PDZD7: variants seen among roughly 807,000 people sequenced by gnomAD.
PDZD7 encodes the protein PDZ domain-containing protein 7.
In PDZD7, 72 loss-of-function variants were observed where a neutral mutation model predicts 84.7. The ratio of observed to expected loss-of-function variants is 0.85; its 90% CI spans 0.70 to 1.03. The LOEUF is 1.03. Among genes scored for constraint, PDZD7 ranks in the 50% least tolerant of loss-of-function variants. PDZD7 has a pLI of 0.00. For synonymous variants in PDZD7, 594 were observed against 580.7 expected, an observed-to-expected ratio of 1.02 and a Z score of -0.33; for missense variants, 1,490 against 1,412.9, an observed-to-expected ratio of 1.05 and a Z score of -0.87.
chr10:101,021,729 A>G (rs1202659365), intron 6 of PDZD7, 69 bp downstream of exon 6: 1 of 1,606,418 alleles, frequency 6.2e-7, no homozygotes, highest in African/African-American at 1.3e-5. Context: ...GAGCATTATT[A>G]AGAACTAGGG....
Position 101,023,948 on chromosome 10 carries a change from A to G in PDZD7, c.347T>C (p.Val116Ala), listed in dbSNP as rs546440535. The change falls in exon 3 of 17, where the codon GTG becomes GCG. Residue 116 changes from valine to alanine, a missense_variant. By Grantham distance (64) the Val-to-Ala change is moderately conservative. Coordinates refer to ENST00000619208, the MANE Select transcript of PDZD7 (RefSeq NM_001195263.2). ...CTTACCTGCACTGCTGCCTTCCTCCACTTTGCTGACGAAGATGCCCAGGCC... is the reference window on the plus strand; with the variant it reads ...CTTACCTGCACTGCTGCCTTCCTCCGCTTTGCTGACGAAGATGCCCAGGCC... The part of the protein sequence containing the change: ...EHGLGIFVSK[V>A]EEGSSAERAG... The G allele has an allele frequency of 6.2e-7, 1 of 1,614,136 alleles. No homozygotes were observed. The highest frequency in any genetic ancestry group is 1.1e-5 in the South Asian group (1 of 91,080).
intron 6 of PDZD7, 97 bp from the exon 7 acceptor site, chr10:101,020,775 C>T: frequency 1.2e-6 from 1 of 866,776 alleles, no homozygotes; most frequent in Non-Finnish European, 1.9e-6. Flanking sequence ...AAACTTTCAA[C>T]TTCATTTCTG....
chr10:101,019,308 G>A (rs1852918037), intron 7 of PDZD7, 91 bp from the exon 8 acceptor site: 4 of 1,473,954 alleles, frequency 2.7e-6, no homozygotes, highest in Non-Finnish European at 3.6e-6. Context: ...GGTGGAGGAG[G>A]CAAGGTCAGG....
In PDZD7 at chr10:101,009,304, C is replaced by T; in HGVS notation, c.2664G>A (p.Val888=). The change falls in exon 16 of 17, where the codon GTG becomes GTA. Residue 888 remains valine (V), a synonymous_variant. Transcript: ENST00000619208. ...CCCCAGGGAAGATCTTCTCTATCTT[C>T]ACCATGGGCTGCACCTTGGACTCAA... ...GGIESKVQPM[V]KIEKIFPGGA... 1 of 1,536,062 alleles carries T rather than the reference C, an allele frequency of 6.5e-7. No individual in the cohort carries two copies. Among genetic ancestry groups the T allele is most frequent in the East Asian group, 2.4e-5 (1 of 40,922 alleles).
At chr10:101,015,283 G>A (rs979742251) in intron 11 of PDZD7, among the ~76,000 whole-genome samples, 2 of 152,280 alleles carry the variant, frequency 1.3e-5, no homozygotes, top group Middle Eastern at 3.4e-3. Flanking sequence ...GCACCTGTCC[G>A]CTCCTTCTCT....
At chr10:101,025,068 T>C (rs1331381609) in intron 2 of PDZD7, among the ~76,000 whole-genome samples, 1 of 152,196 alleles carries the variant, frequency 6.6e-6, no homozygotes, top group East Asian at 1.9e-4. Flanking sequence ...AGAGCTACCC[T>C]GTGGAAGGCA....
rs944897041 is a variant in PDZD7, at chr10:101,008,789, G to A, written c.2780C>T (p.Ala927Val). The part of the protein sequence containing the change: ...ENLEQVTHQR[A>V]VDTIRRAYRN... ...ATAAGCCCGACGGATGGTGTCTACT[G>A]CACGCTGGTGGGTCACCTGCTCTAG... The change falls in exon 17 of 17, where the codon GCA (alanine) becomes GTA (valine). Residue 927 changes from alanine to valine, a missense_variant. Transcript: ENST00000619208. The A allele has an allele frequency of 1.3e-6, 2 of 1,531,432 alleles. No homozygotes were observed. Among genetic ancestry groups the A allele is most frequent in the Admixed American group, 3.9e-5 (2 of 50,808 alleles). 94.9% of individuals were successfully genotyped at this position (1,531,432 alleles called of 1,614,324 possible). A position where few individuals can be genotyped will look rare whatever the true frequency, so the allele number is the denominator to read the frequency against.
At chr10:101,009,493 CTCAT>C in intron 15 of PDZD7, 143 bp from the exon 16 acceptor site, 1 of 692,802 alleles carries the variant, frequency 1.4e-6, no homozygotes, top group East Asian at 2.7e-5. Flanking sequence ...CAAATCTCAA[CTCAT>C]TCCAAAATCC....
rs1937694717 is a variant in PDZD7, at chr10:101,026,259, C to G, written c.227-2191G>C. On this transcript the variant is annotated intron_variant, in intron 2 of 16. Transcript: ENST00000619208. ...AAGCGATTCTCCTGCCTCAGCCTCC[C>G]TAGTAGCTGGGATTACTGGCATGTG... is the stretch of plus-strand genomic sequence containing the variant. Among the ~76,000 whole-genome samples, 3 of 152,146 alleles carry G rather than the reference C, an allele frequency of 2.0e-5. No homozygotes were observed. The South Asian group carries it at 6.2e-4, about 32-fold the overall frequency.
chr10:101,009,286 G>A lies in PDZD7; in HGVS notation c.2682C>T (p.Phe894=), dbSNP rs966135890. 1.4e-5 allele frequency: 21 copies of A among 1,535,988 alleles called. No individual in the cohort carries two copies. The highest frequency in any genetic ancestry group is 1.7e-5 in the Non-Finnish European group (20 of 1,146,834). ...VQPMVKIEKI[F]PGGAAFLSGA... is the part of the protein sequence containing the mutation. ...CACTGAGGAAAGCGGCCCCCCCAGG[G>A]AAGATCTTCTCTATCTTCACCATGG... The change falls in exon 16 of 17, where the codon TTC becomes TTT. Residue 894 remains phenylalanine, a synonymous_variant. Coordinates refer to ENST00000619208, the MANE Select transcript of PDZD7 (RefSeq NM_001195263.2).
intron 2 of PDZD7, among the ~76,000 whole-genome samples, chr10:101,027,866 G>A (rs564358322): frequency 6.6e-6 from 1 of 152,288 alleles, no homozygotes; most frequent in South Asian, 2.1e-4. Context: ...AAGAATAAAT[G>A]GATGGATGGA....
intron 11 of PDZD7, among the ~76,000 whole-genome samples, chr10:101,015,398 G>A (rs1852570810): frequency 6.6e-6 from 1 of 152,148 alleles, no homozygotes; most frequent in African/African-American, 2.4e-5. Context: ...AGCTCTTCAT[G>A]TGACTCATCA....
In PDZD7 at chr10:101,021,787, G is replaced by T; in HGVS notation, c.867+11C>A. 1 of 1,614,162 alleles carries T rather than the reference G, an allele frequency of 6.2e-7. No homozygotes were observed. The highest frequency in any genetic ancestry group is 8.5e-7 in the Non-Finnish European group (1 of 1,180,018). On this transcript the variant is annotated intron_variant, in intron 6 of 16. Transcript: ENST00000619208. Reference sequence around the variant, plus strand: ...AGCCTCACCTCTCCCTACCCCCACTGTTCTGCCCACCTTGATGGTCAGCAT... The same window carrying T: ...AGCCTCACCTCTCCCTACCCCCACTTTTCTGCCCACCTTGATGGTCAGCAT...
chr10:101,011,007 C>T (rs1480697059), intron 14 of PDZD7, 124 bp from the exon 15 acceptor site: 23 of 1,492,460 alleles, frequency 1.5e-5, no homozygotes, highest in Non-Finnish European at 2.0e-5. Flanking sequence ...TGCAGTGCGG[C>T]CCACCCACCG....
At chr10:101,029,868 C>T in intron 2 of PDZD7, 126 bp downstream of exon 2, 1 of 1,044,090 alleles carries the variant, frequency 9.6e-7, no homozygotes, top group Non-Finnish European at 1.4e-6. Flanking sequence ...CGGCCTGCCA[C>T]CTCCCTGTGA....
intron 7 of PDZD7, among the ~76,000 whole-genome samples, chr10:101,019,631 C>CT (rs1163432290): frequency 2.2e-4 from 29 of 132,768 alleles, no homozygotes; most frequent in African/African-American, 5.2e-4. Flanking sequence ...TCTTCTTCTT[C>CT]TTTTTTTTTT....
chr10:101,010,516 A>AGCACCGGG lies in PDZD7; in HGVS notation c.2372_2373insCCCGGTGC (p.Gly793ValfsTer18). Reference sequence around the variant, plus strand: ...CCGGGGATGGGGAGCGTCTACCTGGAGACTTGCCTTGACCCCGGCTGCTGC... The same window carrying AGCACCGGG: ...CCGGGGATGGGGAGCGTCTACCTGGAGCACCGGGGACTTGCCTTGACCCCGGCTGCTGC... On this transcript the variant is annotated frameshift_variant, in exon 15 of 17. Coordinates refer to ENST00000619208, the MANE Select transcript of PDZD7 (RefSeq NM_001195263.2). LOFTEE classifies it high-confidence loss of function. 6.5e-7 allele frequency: 1 copy of AGCACCGGG among 1,532,402 alleles called. No individual in the cohort carries two copies. The highest frequency in any genetic ancestry group is 1.4e-5 in the African/African-American group (1 of 72,968). The allele number at this position is 1,532,402 out of a possible 1,614,324, so 94.9% of individuals were successfully genotyped here.
intron 6 of PDZD7, among the ~76,000 whole-genome samples, chr10:101,021,398 T>C (rs1481976908): frequency 2.0e-5 from 3 of 152,166 alleles, no homozygotes; most frequent in Admixed American, 6.5e-5. Flanking sequence ...ATCCAACCTC[T>C]GGCCCCAGCC....
At chr10:101,019,345 G>T in intron 7 of PDZD7, 128 bp from the exon 8 acceptor site, 1 of 1,190,968 alleles carries the variant, frequency 8.4e-7, no homozygotes. Context: ...AACCGCAGTG[G>T]TGAGGAACCC....
Sources: allele counts gnomAD v4.1 joint callset (sites outside exome capture counted in the v4.1 genomes callset), GRCh38; gene constraint gnomAD v4.1.1; transcripts MANE v1.5; gene names NCBI Gene and HGNC (gene_info 2026-07-23, HGNC 2026-07-21).